The following PEAK1 variants were observed in gnomAD, a reference collection of about 807,000 sequenced individuals.
PEAK1 encodes the protein inactive tyrosine-protein kinase PEAK1.
PEAK1 carries 54 observed loss-of-function variants against 124.7 expected under a neutral mutation model. The observed-to-expected ratio is 0.43, with a 90% CI of 0.35 to 0.54. The LOEUF is 0.54. PEAK1 is among the 20% of genes least tolerant of loss of function. PEAK1 has a pLI of 0.01. For synonymous variants in PEAK1, 719 were observed against 760.0 expected (o/e 0.95, Z 0.89); for missense variants, 2,046 against 2,134.5 (o/e 0.96, Z 0.82).
At chr15:77,267,192 C>T (rs1182191822) in intron 5 of PEAK1, among the ~76,000 whole-genome samples, 1 of 152,026 alleles carries the variant, frequency 6.6e-6, no homozygotes, top group East Asian at 1.9e-4. Context: ...GGAAACACAC[C>T]CCCATCCCCT....
intron 2 of PEAK1, among the ~76,000 whole-genome samples, chr15:77,362,855 A>G (rs1257272630): frequency 6.6e-6 from 1 of 152,056 alleles, no homozygotes; most frequent in Non-Finnish European, 1.5e-5. Context: ...TTTTTATTTT[A>G]TTTATTTATT....
chr15:77,145,684 C>T (rs2054129184), intron 8 of PEAK1, among the ~76,000 whole-genome samples: 1 of 152,112 alleles, frequency 6.6e-6, no homozygotes, highest in African/African-American at 2.4e-5. Context: ...TGTGCCTCTA[C>T]TCAAAATTCT....
intron 1 of PEAK1, chr15:77,417,536 T>C (rs2072986985): frequency 1.0e-6 from 1 of 984,974 alleles, no homozygotes. Context: ...ATCACACACA[T>C]CTGCCTCTTA....
intron 9 of PEAK1, among the ~76,000 whole-genome samples, chr15:77,120,108 T>C (rs1347504459): frequency 6.6e-6 from 1 of 152,224 alleles, no homozygotes; most frequent in Non-Finnish European, 1.5e-5. Context: ...TGTCGTTGAA[T>C]GGCATGGTGT....
At chr15:77,300,921 G>A (rs1006538146) in intron 2 of PEAK1, among the ~76,000 whole-genome samples, 1 of 151,962 alleles carries the variant, frequency 6.6e-6, no homozygotes, top group African/African-American at 2.4e-5. Context: ...GTGCAAGCTC[G>A]GCTCACTGCA....
chr15:77,152,083 T>C lies in PEAK1; in HGVS notation c.3331+6420A>G, dbSNP rs553906975. On this transcript the variant is annotated intron_variant, in intron 8 of 9. Transcript: ENST00000682557. The stretch of plus-strand genomic sequence containing the variant: ...TACCTATAAATTACCTTGGGCAGTA[T>C]GGCCATTTTCACGATATTGATTCTT... Among the ~76,000 whole-genome samples, 751 of 152,326 alleles carry C rather than the reference T, an allele frequency of 4.9e-3. 14 individuals carry two copies. The highest frequency in any genetic ancestry group is 0.017 in the African/African-American group (714 of 41,568).
chr15:77,344,001 C>T (rs921850780), intron 2 of PEAK1, among the ~76,000 whole-genome samples: 7 of 152,154 alleles, frequency 4.6e-5, no homozygotes, highest in African/African-American at 9.7e-5. Context: ...CAGCACGATT[C>T]GTTGAAAAGA....
chr15:77,384,315 C>T (rs1045753233), intron 1 of PEAK1, among the ~76,000 whole-genome samples: 1 of 152,142 alleles, frequency 6.6e-6, no homozygotes, highest in Non-Finnish European at 1.5e-5. Flanking sequence ...CATTTTCCTT[C>T]CAAATGCAAT....
intron 8 of PEAK1, among the ~76,000 whole-genome samples, chr15:77,142,796 C>T (rs533675693): frequency 2.0e-5 from 3 of 152,084 alleles, no homozygotes; most frequent in Non-Finnish European, 4.4e-5. Context: ...GGCATAGAGA[C>T]AGAAAGTAGA....
At chr15:77,215,067 GAT>G (rs1210380324) in intron 6 of PEAK1, among the ~76,000 whole-genome samples, 1 of 152,086 alleles carries the variant, frequency 6.6e-6, no homozygotes, top group Non-Finnish European at 1.5e-5. Flanking sequence ...TCCCACTTGC[GAT>G]ATATGAGAAT....
At position 77,179,547 on chromosome 15, in the gene PEAK1, C is replaced by T; in HGVS notation, c.2380G>A (p.Glu794Lys). The T allele has an allele frequency of 6.2e-7, 1 of 1,614,124 alleles. No homozygotes were observed. The highest frequency in any genetic ancestry group is 1.3e-5 in the African/African-American group (1 of 75,028). The change falls in exon 7 of 10, where the codon GAA (glutamate) becomes AAA (lysine). Residue 794 changes from glutamate (E) to lysine (K), a missense_variant. Physicochemically the swap from Glu to Lys is moderately conservative, Grantham distance 56. Transcript: ENST00000682557. ...PQSGPKACSV[E>K]ELYAIPPDAD... ...TCTGGAGGAATGGCATAAAGCTCTT[C>T]CACACTGCAAGCTTTAGGGCCAGAT... is the stretch of plus-strand genomic sequence containing the variant.
intron 5 of PEAK1, among the ~76,000 whole-genome samples, chr15:77,264,324 T>C (rs1237532434): frequency 6.6e-6 from 1 of 152,154 alleles, no homozygotes; most frequent in African/African-American, 2.4e-5. Context: ...TGTCCCTGTT[T>C]GCAGATGACA....
At position 77,178,958 on chromosome 15, in the gene PEAK1, A is replaced by G. The variant is rs751820170; in HGVS notation, c.2969T>C (p.Met990Thr). 3 of 1,614,072 alleles carry G rather than the reference A, an allele frequency of 1.9e-6. No homozygotes were observed. The highest frequency in any genetic ancestry group is 2.5e-6 in the Non-Finnish European group (3 of 1,180,014). Residue 990 changes from methionine to threonine, a missense_variant, in exon 7 of 10, where the codon ATG (methionine) becomes ACG (threonine). Physicochemically the swap from Met to Thr is moderately conservative, Grantham distance 81. Transcript: ENST00000682557. ...ESSEKPAIVF[M>T]YRCDPAQGQL... Reference sequence around the variant, plus strand: ...GCCTTGAGCAGGGTCGCACCTGTACATGAAGACAATGGCTGGTTTCTCACT... The same window carrying G: ...GCCTTGAGCAGGGTCGCACCTGTACGTGAAGACAATGGCTGGTTTCTCACT...
chr15:77,235,433 G>A (rs1451122008), intron 6 of PEAK1, among the ~76,000 whole-genome samples: 2 of 152,170 alleles, frequency 1.3e-5, no homozygotes, highest in African/African-American at 4.8e-5. Flanking sequence ...CTTGGGAACT[G>A]CAGCAAAGGT....
intron 5 of PEAK1, among the ~76,000 whole-genome samples, chr15:77,275,669 T>C (rs1000199110): frequency 6.6e-6 from 1 of 151,666 alleles, no homozygotes; most frequent in African/African-American, 2.4e-5. Context: ...TCAGCTGAGA[T>C]TGCAGTGCAG....
chr15:77,214,951 C>T (rs912796544), intron 6 of PEAK1, among the ~76,000 whole-genome samples: 2 of 152,122 alleles, frequency 1.3e-5, no homozygotes, highest in African/African-American at 4.8e-5. Context: ...GGACACAGAA[C>T]CAACCATATC....
At chr15:77,415,498 C>T (rs898852018) in intron 1 of PEAK1, among the ~76,000 whole-genome samples, 10 of 152,098 alleles carry the variant, frequency 6.6e-5, no homozygotes, top group African/African-American at 2.2e-4. Context: ...TGGGTTCAAG[C>T]GATCCTCCTG....
At chr15:77,345,935 A>G (rs1172824674) in intron 2 of PEAK1, 5 of 985,102 alleles carry the variant, frequency 5.1e-6, no homozygotes, top group South Asian at 4.7e-5. Flanking sequence ...CATATTAATT[A>G]TAGCACATAG....
chr15:77,127,982 G>A (rs117907731), intron 9 of PEAK1, among the ~76,000 whole-genome samples: 1 of 152,070 alleles, frequency 6.6e-6, no homozygotes, highest in East Asian at 1.9e-4. Context: ...GGGGGGCTAA[G>A]GCAGGAGAAT....
Sources: allele counts gnomAD v4.1 joint callset (sites outside exome capture counted in the v4.1 genomes callset), GRCh38; gene constraint gnomAD v4.1.1; transcripts MANE v1.5; gene names NCBI Gene and HGNC (gene_info 2026-07-23, HGNC 2026-07-21).